CD200: variants seen among roughly 807,000 people sequenced by gnomAD.
CD200 encodes the protein OX-2 membrane glycoprotein.
A neutral mutation model predicts 30.9 loss-of-function variants in CD200; 15 were observed. That is an observed-to-expected ratio of 0.49 (90% CI 0.32 to 0.75). CD200 has a LOEUF of 0.75. CD200 is among the 30% of genes least tolerant of loss of function. The pLI, the probability that CD200 is intolerant of heterozygous loss-of-function variation, is 0.03. For missense variants in CD200, 262 were observed against 324.2 expected (o/e 0.81, Z 1.47); for synonymous variants, 134 against 126.2 (o/e 1.06, Z -0.41).
At position 112,361,596 on chromosome 3, in the gene CD200, T is replaced by C. The variant is rs1228336612; in HGVS notation, c.*46T>C. ...AAAGTGATTCCCTGGTCTACTTGAATTTGACACAAGAGAAAAGCAGGAGGA... is the reference window on the plus strand; with the variant it reads ...AAAGTGATTCCCTGGTCTACTTGAACTTGACACAAGAGAAAAGCAGGAGGA... On this transcript the variant is annotated 3_prime_UTR_variant, in exon 6 of 6. Transcript: ENST00000315711. 21 of 1,565,258 alleles carry C rather than the reference T, an allele frequency of 1.3e-5. No homozygotes were observed. The highest frequency in any genetic ancestry group is 1.7e-4 in the Middle Eastern group (1 of 5,996).
At chr3:112,345,375 G>A in intron 3 of CD200, 87 bp downstream of exon 3, 2 of 1,065,840 alleles carry the variant, frequency 1.9e-6, no homozygotes, top group East Asian at 2.4e-5. Flanking sequence ...CAGTTTTTCA[G>A]GATTTTAACC....
intron 4 of CD200, among the ~76,000 whole-genome samples, 194 bp downstream of exon 4, chr3:112,348,024 G>T (rs978538735): frequency 1.1e-4 from 17 of 152,166 alleles, no homozygotes; most frequent in Non-Finnish European, 2.2e-4. Context: ...CATAAATGTG[G>T]TTCATTGCCC....
intron 1 of CD200, among the ~76,000 whole-genome samples, chr3:112,336,412 T>A (rs1559779040): frequency 6.7e-6 from 1 of 150,268 alleles, no homozygotes; most frequent in African/African-American, 2.5e-5. Flanking sequence ...CCCAGAGAAA[T>A]TGAAAGGCAA....
intron 5 of CD200, among the ~76,000 whole-genome samples, chr3:112,353,324 G>A (rs9838489): frequency 6.6e-6 from 1 of 151,702 alleles, no homozygotes; most frequent in Non-Finnish European, 1.5e-5. Flanking sequence ...CTTTGCTTTG[G>A]TTTGGTTGAG....
intron 5 of CD200, among the ~76,000 whole-genome samples, chr3:112,354,331 A>G (rs1184940919): frequency 2.0e-5 from 3 of 152,154 alleles, no homozygotes; most frequent in African/African-American, 7.2e-5. Context: ...AGTACCTGTT[A>G]GACTAATTAA....
chr3:112,341,725 T>C (rs1269404038), intron 2 of CD200, among the ~76,000 whole-genome samples: 1 of 152,074 alleles, frequency 6.6e-6, no homozygotes, highest in Non-Finnish European at 1.5e-5. Context: ...TTCCCCTAAA[T>C]GATTTCTTCC....
At chr3:112,360,559 G>A (rs781269937) in intron 5 of CD200, among the ~76,000 whole-genome samples, 4 of 151,958 alleles carry the variant, frequency 2.6e-5, no homozygotes, top group Non-Finnish European at 2.9e-5. Context: ...CTAGTAATTC[G>A]TTTTTACTAT....
At chr3:112,347,291 T>C (rs1214534188) in intron 3 of CD200, among the ~76,000 whole-genome samples, 5 of 152,360 alleles carry the variant, frequency 3.3e-5, no homozygotes, top group Non-Finnish European at 7.3e-5. Context: ...CAATACTCTA[T>C]GTCCATCTGA....
chr3:112,355,220 T>C (rs1476803249), intron 5 of CD200, among the ~76,000 whole-genome samples: 1 of 152,192 alleles, frequency 6.6e-6, no homozygotes, highest in Admixed American at 6.5e-5. Flanking sequence ...CCATAGCCTT[T>C]GCTCTGTTCC....
chr3:112,333,148 T>A, upstream of CD200: 3 of 1,545,706 alleles, frequency 1.9e-6, no homozygotes, highest in Non-Finnish European at 2.6e-6. Context: ...TCCTCCCGCC[T>A]GCCTAGCAGA....
At chr3:112,337,251 T>C (rs993868020) in intron 1 of CD200, among the ~76,000 whole-genome samples, 1 of 152,152 alleles carries the variant, frequency 6.6e-6, no homozygotes, top group Non-Finnish European at 1.5e-5. Flanking sequence ...TGAATCTTCT[T>C]GGAGCACTAA....
rs753148544 is a variant in CD200, at chr3:112,357,258, C to CAAAA, written c.803-4272_803-4269dup. ...CCTGGGGGACAGAGCGAGACTGTCT[C>CAAAA]AAAAAAAAAAAAAAAAGAAAGAAAG... On this transcript the variant is annotated intron_variant, in intron 5 of 5. Coordinates refer to ENST00000315711, the MANE Select transcript of CD200 (RefSeq NM_005944.7). Among the ~76,000 whole-genome samples the CAAAA allele has an allele frequency of 1.1e-3, 92 of 81,738 alleles. 2 individuals are homozygous for CAAAA. The East Asian group carries it at 0.017, about 15-fold the overall frequency. The allele number at this position is 81,738 out of a possible 152,430, so 53.6% of individuals were successfully genotyped here. A position where few individuals can be genotyped will look rare whatever the true frequency, so the allele number is the denominator to read the frequency against.
chr3:112,347,840 A>T lies in CD200; in HGVS notation c.694+10A>T, dbSNP rs751483704. The T allele has an allele frequency of 2.2e-5, 35 of 1,610,592 alleles. No individual in the cohort carries two copies. The East Asian group carries it at 7.6e-4, about 35-fold the overall frequency. On this transcript the variant is annotated intron_variant, in intron 4 of 5. Transcript: ENST00000315711. The stretch of plus-strand genomic sequence containing the variant: ...CAAACCGTCAACAAAGGTAAGAGAA[A>T]GTGAGCAAGGTGGCTGTGGTTGTGT...
intron 5 of CD200, among the ~76,000 whole-genome samples, chr3:112,360,333 A>AAAAAAAATAT (rs879786648): frequency 8.5e-5 from 12 of 141,286 alleles, no homozygotes; most frequent in East Asian, 2.0e-4. Context: ...ATCTAAAAAA[A>AAAAAAAATAT]ATATATATAT....
intron 5 of CD200, among the ~76,000 whole-genome samples, chr3:112,355,971 A>G (rs1335563092): frequency 6.6e-6 from 1 of 152,270 alleles, no homozygotes; most frequent in African/African-American, 2.4e-5. Flanking sequence ...TCTAGTAAAT[A>G]AAGAACAAAT....
Position 112,361,718 on chromosome 3 carries a change from G to C in CD200, c.*168G>C. The C allele has an allele frequency of 1.4e-6, 1 of 693,712 alleles. No individual in the cohort carries two copies. Among genetic ancestry groups the C allele is most frequent in the South Asian group, 1.7e-5 (1 of 58,846 alleles). The allele number at this position is 693,712 out of a possible 1,614,324, so 43.0% of individuals were successfully genotyped here. On this transcript the variant is annotated 3_prime_UTR_variant, in exon 6 of 6. Transcript: ENST00000315711. Reference sequence around the variant, plus strand: ...TTTTTACTGCCATCTGAGCTACTCAGTGTTTGAATCCCAAGAGGAAGTCAG... The same window carrying C: ...TTTTTACTGCCATCTGAGCTACTCACTGTTTGAATCCCAAGAGGAAGTCAG...
At chr3:112,352,496 A>G (rs544675165) in intron 5 of CD200, among the ~76,000 whole-genome samples, 11 of 152,192 alleles carry the variant, frequency 7.2e-5, no homozygotes, top group Non-Finnish European at 1.5e-4. Context: ...GGTGACCTCA[A>G]AAATGGTGAT....
intron 1 of CD200, among the ~76,000 whole-genome samples, chr3:112,338,403 A>T (rs1321338261): frequency 3.9e-5 from 6 of 152,120 alleles, no homozygotes; most frequent in Non-Finnish European, 8.8e-5. Context: ...TGTTTTTTTT[A>T]TTCAACTGAC....
chr3:112,341,268 A>G (rs2081233278), intron 2 of CD200, among the ~76,000 whole-genome samples: 1 of 152,230 alleles, frequency 6.6e-6, no homozygotes, highest in Non-Finnish European at 1.5e-5. Flanking sequence ...ACTGAATTGA[A>G]TTACAAATAA....
Sources: gnomAD v4.1 joint callset for allele counts (sites outside exome capture counted in the v4.1 genomes callset) on GRCh38, gnomAD v4.1.1 for gene constraint, MANE v1.5 for transcripts, NCBI Gene and HGNC (gene_info 2026-07-23, HGNC 2026-07-21) for gene names.